Variants in ADCY5 observed in about 807,000 individuals in gnomAD.
ADCY5 encodes the protein adenylate cyclase 5, also known as adenylate cyclase type 5.
A neutral mutation model predicts 119.7 loss-of-function variants in ADCY5; 30 were observed. The ratio of observed to expected loss-of-function variants is 0.25; its 90% CI spans 0.19 to 0.34. The LOEUF (loss-of-function observed/expected upper bound fraction) is 0.34. Ranked by LOEUF, ADCY5 falls within the 10% of genes least tolerant of loss-of-function variation. The pLI is 1.00. For missense variants in ADCY5, 1,324 were observed against 1,775.2 expected (o/e 0.75, Z 4.57); for synonymous variants, 753 against 762.2 (o/e 0.99, Z 0.20).
intron 1 of ADCY5, among the ~76,000 whole-genome samples, chr3:123,409,801 G>A (rs1944996620): frequency 6.6e-6 from 1 of 152,148 alleles, no homozygotes; most frequent in Non-Finnish European, 1.5e-5. Flanking sequence ...AACTGCCCCA[G>A]AGACATTCCC....
At chr3:123,303,313 C>T in intron 13 of ADCY5, 94 bp from the exon 14 acceptor site, 2 of 1,365,204 alleles carry the variant, frequency 1.5e-6, no homozygotes, top group South Asian at 2.7e-5. Flanking sequence ...CCCGCCTGTC[C>T]TCCGCCTCAG....
At position 123,284,171 on chromosome 3, in the gene ADCY5, A is replaced by C. The variant is rs2108144808; in HGVS notation, c.*437T>G. 1 of 165,620 alleles carries C rather than the reference A, an allele frequency of 6.0e-6. No individual in the cohort carries two copies. The highest frequency in any genetic ancestry group is 1.7e-4 in the East Asian group (1 of 5,772). 10.3% of individuals were successfully genotyped at this position (165,620 alleles called of 1,614,324 possible). On this transcript the variant is annotated 3_prime_UTR_variant, in exon 21 of 21. Transcript: ENST00000462833. ...TGGCCTGTCTGAAGTTTAAAGGCTC[A>C]CATAGAAAAGCAGACCCCTGGGGCC...
chr3:123,448,196 C>T lies in ADCY5; in HGVS notation c.350G>A (p.Arg117Gln). Residue 117 changes from arginine to glutamine, a missense_variant, in exon 1 of 21, where the codon CGG (arginine) becomes CAG (glutamine). Transcript: ENST00000462833. Reference protein sequence around the residue: ...GGDDCGRGSRRQRRGAASGGS... With the variant: ...GGDDCGRGSRQQRRGAASGGS... ...CCCGCTGGCCGCGCCCCGCCGCTGC[C>T]GGCGGCTGCCGCGACCGCAGTCGTC... is the stretch of plus-strand genomic sequence containing the variant. The T allele has an allele frequency of 8.1e-7, 1 of 1,238,204 alleles. No individual in the cohort carries two copies. The highest frequency in any genetic ancestry group is 3.4e-5 in the South Asian group (1 of 29,728). 76.7% of individuals were successfully genotyped at this position (1,238,204 alleles called of 1,614,324 possible). A position where few individuals can be genotyped will look rare whatever the true frequency, so the allele number is the denominator to read the frequency against.
intron 1 of ADCY5, among the ~76,000 whole-genome samples, chr3:123,423,273 G>A (rs958406388): frequency 2.0e-5 from 3 of 152,224 alleles, no homozygotes; most frequent in Non-Finnish European, 4.4e-5. Context: ...TCAGGCTTGT[G>A]GAATCCTGAC....
chr3:123,350,762 A>G (rs1447885713), intron 2 of ADCY5, among the ~76,000 whole-genome samples: 1 of 152,174 alleles, frequency 6.6e-6, no homozygotes, highest in Non-Finnish European at 1.5e-5. Context: ...ATCCCTGTGG[A>G]TTTGGTGGAA....
chr3:123,332,455 T>C (rs1357465443), intron 4 of ADCY5, 109 bp downstream of exon 4: 15 of 799,470 alleles, frequency 1.9e-5, no homozygotes, highest in South Asian at 1.6e-5. Context: ...CTCAGCAGGA[T>C]ATACCCAGGC....
At chr3:123,341,136 T>C (rs1356446556) in intron 3 of ADCY5, among the ~76,000 whole-genome samples, 1 of 151,478 alleles carries the variant, frequency 6.6e-6, no homozygotes, top group Non-Finnish European at 1.5e-5. Flanking sequence ...AAAAAAAAAA[T>C]TGAAAGCACA....
rs774577366 is a variant in ADCY5, at chr3:123,340,384, A to G, written c.1406+7398T>C. On this transcript the variant is annotated intron_variant, in intron 3 of 20. Transcript: ENST00000462833. Reference sequence around the variant, plus strand: ...TTTGGGGCCTGATTCTAACCCTTCCATCTTCATGATGTCTTCCTTGACTTA... The same window carrying G: ...TTTGGGGCCTGATTCTAACCCTTCCGTCTTCATGATGTCTTCCTTGACTTA... Among the ~76,000 whole-genome samples the G allele has an allele frequency of 5.9e-5, 9 of 152,198 alleles. No homozygotes were observed. The East Asian group carries it at 1.7e-3, about 29-fold the overall frequency.
At chr3:123,431,275 T>C (rs1945516458) in intron 1 of ADCY5, among the ~76,000 whole-genome samples, 1 of 152,126 alleles carries the variant, frequency 6.6e-6, no homozygotes, top group Admixed American at 6.5e-5. Flanking sequence ...AGGCCACAGG[T>C]GTTTATACAA....
intron 15 of ADCY5, among the ~76,000 whole-genome samples, chr3:123,298,513 G>T (rs1471494421): frequency 6.6e-6 from 1 of 152,060 alleles, no homozygotes; most frequent in Non-Finnish European, 1.5e-5. Context: ...ATGCTCCACT[G>T]TCCCATCTCT....
At chr3:123,312,080 C>T (rs980484054) in intron 12 of ADCY5, among the ~76,000 whole-genome samples, 2 of 152,082 alleles carry the variant, frequency 1.3e-5, no homozygotes, top group Non-Finnish European at 2.9e-5. Flanking sequence ...GAAAATGGGC[C>T]CATCCTTCCC....
At chr3:123,346,764 G>GT (rs1942588551) in intron 3 of ADCY5, among the ~76,000 whole-genome samples, 1 of 152,128 alleles carries the variant, frequency 6.6e-6, no homozygotes, top group Admixed American at 6.5e-5. Flanking sequence ...CAGAGGACTC[G>GT]TGAGTCCTAG....
At position 123,447,718 on chromosome 3, in the gene ADCY5, G is replaced by C. The variant is rs374267158; in HGVS notation, c.828C>G (p.Ala276=). 1 of 1,599,470 alleles carries C rather than the reference G, an allele frequency of 6.3e-7. No individual in the cohort carries two copies. The highest frequency in any genetic ancestry group is 1.3e-5 in the African/African-American group (1 of 74,536). ...CCATGATGAGGATCACGCCGACGGCGGCCGCCAGCACGGCCAGGTAGGGCA... is the reference window on the plus strand; with the variant it reads ...CCATGATGAGGATCACGCCGACGGCCGCCGCCAGCACGGCCAGGTAGGGCA... ...LQLPYLAVLA[A]AVGVILIMAV... Residue 276 remains alanine (A), a synonymous_variant, in exon 1 of 21, where the codon GCC becomes GCG. Coordinates refer to ENST00000462833, the MANE Select transcript of ADCY5 (RefSeq NM_183357.3).
At chr3:123,325,034 C>G (rs1358356383) in intron 8 of ADCY5, among the ~76,000 whole-genome samples, 1 of 152,218 alleles carries the variant, frequency 6.6e-6, no homozygotes, top group Non-Finnish European at 1.5e-5. Context: ...GCCAGACATG[C>G]CTGCTTCCAG....
intron 1 of ADCY5, among the ~76,000 whole-genome samples, chr3:123,402,418 G>C (rs893663894): frequency 6.6e-6 from 1 of 152,242 alleles, no homozygotes; most frequent in African/African-American, 2.4e-5. Context: ...TGGATTGATG[G>C]TGACTGGTGG....
intron 14 of ADCY5, among the ~76,000 whole-genome samples, chr3:123,301,250 C>T (rs529599897): frequency 2.6e-5 from 4 of 152,320 alleles, no homozygotes; most frequent in Admixed American, 1.3e-4. Context: ...TCTTCGCACA[C>T]GGCTTCTGCC....
chr3:123,358,155 CGTGTGT>C (rs6148049), intron 1 of ADCY5, among the ~76,000 whole-genome samples: 61 of 140,968 alleles, frequency 4.3e-4, no homozygotes, highest in African/African-American at 1.3e-3. Flanking sequence ...ACATGGAACA[CGTGTGT>C]GTGTGTGTGT....
At chr3:123,303,964 T>G in intron 13 of ADCY5, 103 bp downstream of exon 13, 1 of 817,878 alleles carries the variant, frequency 1.2e-6, no homozygotes, top group South Asian at 1.6e-5. Flanking sequence ...AAATAAGAAC[T>G]TCCAGGGAAA....
intron 1 of ADCY5, among the ~76,000 whole-genome samples, chr3:123,365,359 T>G (rs1180326514): frequency 6.6e-6 from 1 of 152,166 alleles, no homozygotes; most frequent in Non-Finnish European, 1.5e-5. Flanking sequence ...TTTGGGTAGA[T>G]TAAATTGACA....
Sources: gnomAD v4.1 joint callset for allele counts (sites outside exome capture counted in the v4.1 genomes callset) on GRCh38, gnomAD v4.1.1 for gene constraint, MANE v1.5 for transcripts, NCBI Gene and HGNC (gene_info 2026-07-23, HGNC 2026-07-21) for gene names.